USH2A: variants seen among roughly 807,000 people sequenced by gnomAD.
USH2A encodes the protein Usher syndrome 2A (autosomal recessive, mild).
USH2A carries 443 observed loss-of-function variants against 538.9 expected under a neutral mutation model. The ratio of observed to expected loss-of-function variants is 0.82; its 90% CI spans 0.76 to 0.89. The LOEUF (loss-of-function observed/expected upper bound fraction) is 0.89. Among genes scored for constraint, USH2A ranks in the 40% least tolerant of loss-of-function variants. USH2A has a pLI of 0.00. For synonymous variants in USH2A, 2,413 were observed against 2,273.5 expected (o/e 1.06, Z -1.75); for missense variants, 6,633 against 6,324.8 (o/e 1.05, Z -1.65).
intron 20 of USH2A, among the ~76,000 whole-genome samples, chr1:216,187,776 T>C (rs565453347): frequency 2.2e-4 from 33 of 152,088 alleles, no homozygotes; most frequent in African/African-American, 7.9e-4. Context: ...TTAAATATTT[T>C]ACATGTATTA....
At chr1:216,061,760 G>A (rs1051470299) in intron 30 of USH2A, among the ~76,000 whole-genome samples, 2 of 152,114 alleles carry the variant, frequency 1.3e-5, no homozygotes, top group African/African-American at 2.4e-5. Context: ...TACCTAAAAC[G>A]AGACCAGGCA....
intron 14 of USH2A, among the ~76,000 whole-genome samples, chr1:216,228,596 G>T (rs2035611035): frequency 6.6e-6 from 1 of 152,090 alleles, no homozygotes; most frequent in South Asian, 2.1e-4. Flanking sequence ...TCTTCTCTCT[G>T]CCACCATGTG....
chr1:215,919,107 T>G (rs575381726), intron 38 of USH2A, among the ~76,000 whole-genome samples: 2 of 152,164 alleles, frequency 1.3e-5, no homozygotes, highest in South Asian at 4.1e-4. Context: ...CACCCCCAAT[T>G]CCCAAGAATT....
chr1:215,768,818 T>C (rs1030892721), intron 55 of USH2A, among the ~76,000 whole-genome samples: 18 of 152,196 alleles, frequency 1.2e-4, no homozygotes, highest in African/African-American at 4.3e-4. Flanking sequence ...GAATATCTTA[T>C]TTTCCCCATT....
chr1:216,183,469 C>T (rs2034531603), intron 20 of USH2A, among the ~76,000 whole-genome samples: 1 of 151,610 alleles, frequency 6.6e-6, no homozygotes, highest in African/African-American at 2.4e-5. Flanking sequence ...TTTTTTTAAT[C>T]ATGAAAAATG....
At chr1:216,300,814 T>C (rs2102622092) in intron 9 of USH2A, among the ~76,000 whole-genome samples, 1 of 149,472 alleles carries the variant, frequency 6.7e-6, no homozygotes, top group Admixed American at 6.7e-5. Flanking sequence ...CCAGGCACTA[T>C]CTGGGCTCAC....
chr1:216,125,806 C>T (rs1016383819), intron 21 of USH2A, among the ~76,000 whole-genome samples: 1 of 152,142 alleles, frequency 6.6e-6, no homozygotes, highest in Admixed American at 6.5e-5. Context: ...ATTTCTTGGC[C>T]TCCATTTCTT....
intron 35 of USH2A, among the ~76,000 whole-genome samples, chr1:215,972,495 C>T (rs1381646432): frequency 6.6e-6 from 1 of 152,134 alleles, no homozygotes; most frequent in Non-Finnish European, 1.5e-5. Context: ...TTTGTTCTTC[C>T]AGCCCTTCTT....
intron 4 of USH2A, among the ~76,000 whole-genome samples, chr1:216,355,657 G>T (rs1314270433): frequency 6.6e-6 from 1 of 152,124 alleles, no homozygotes; most frequent in Non-Finnish European, 1.5e-5. Flanking sequence ...AAGTGAGGAT[G>T]AACAGGAAAC....
intron 46 of USH2A, among the ~76,000 whole-genome samples, chr1:215,839,983 C>A (rs918807015): frequency 9.9e-5 from 15 of 151,436 alleles, no homozygotes; most frequent in Admixed American, 5.3e-4. Flanking sequence ...CATGGTGAAA[C>A]CCTGTCTCTA....
chr1:215,995,084 G>T (rs1160395555), intron 34 of USH2A, among the ~76,000 whole-genome samples: 3 of 151,620 alleles, frequency 2.0e-5, no homozygotes, highest in African/African-American at 4.8e-5. Context: ...TTTCTTATTT[G>T]TATACTAAAA....
Position 215,926,614 on chromosome 1 carries a change from C to CTTTTTTTTTTTT in USH2A, c.7300+7990_7300+8001dup, listed in dbSNP as rs10673615. Among the ~76,000 whole-genome samples the CTTTTTTTTTTTT allele has an allele frequency of 1.2e-3, 94 of 75,836 alleles. 5 individuals are homozygous for CTTTTTTTTTTTT. Among genetic ancestry groups the CTTTTTTTTTTTT allele is most frequent in the Non-Finnish European group, 1.5e-3 (63 of 43,410 alleles). The allele number at this position is 75,836 out of a possible 152,430, so 49.8% of individuals were successfully genotyped here. A position where few individuals can be genotyped will look rare whatever the true frequency, so the allele number is the denominator to read the frequency against. On this transcript the variant is annotated intron_variant, in intron 38 of 71. Transcript: ENST00000307340. ...GTAGACACTTGCTTTACCTACCTATCTTTTTTTTTTTTTTTTTTTTGAGAC... is the reference window on the plus strand; with the variant it reads ...GTAGACACTTGCTTTACCTACCTATCTTTTTTTTTTTTTTTTTTTTTTTTTTTTTTTTGAGAC...
intron 20 of USH2A, among the ~76,000 whole-genome samples, chr1:216,183,494 T>C (rs1441902883): frequency 6.6e-6 from 1 of 151,948 alleles, no homozygotes; most frequent in African/African-American, 2.4e-5. Context: ...GCTTCCACCA[T>C]ATGGGACAAC....
At chr1:216,325,783 T>TAAAATC (rs1448714666) in intron 5 of USH2A, among the ~76,000 whole-genome samples, 184 bp from the exon 6 acceptor site, 1 of 152,216 alleles carries the variant, frequency 6.6e-6, no homozygotes, top group Non-Finnish European at 1.5e-5. Context: ...TTCATTATCA[T>TAAAATC]AAAATGTATA....
At chr1:216,142,227 G>T (rs1005682237) in intron 21 of USH2A, among the ~76,000 whole-genome samples, 2 of 152,186 alleles carry the variant, frequency 1.3e-5, no homozygotes, top group African/African-American at 4.8e-5. Flanking sequence ...TCTAGGTAAT[G>T]GTAGAAGGTA....
At chr1:215,788,964 A>G (rs1661891656) in intron 51 of USH2A, among the ~76,000 whole-genome samples, 1 of 139,262 alleles carries the variant, frequency 7.2e-6, no homozygotes, top group Non-Finnish European at 1.6e-5. Context: ...CAGGGGAATC[A>G]ACACAGGAAA....
chr1:215,813,834 A>T lies in USH2A; in HGVS notation c.9641T>A (p.Phe3214Tyr). 6.2e-7 allele frequency: 1 copy of T among 1,613,942 alleles called. No individual in the cohort carries two copies. The highest frequency in any genetic ancestry group is 8.5e-7 in the Non-Finnish European group (1 of 1,179,860). Residue 3214 changes from phenylalanine to tyrosine, a missense_variant, in exon 49 of 72, where the codon TTT becomes TAT. Coordinates refer to ENST00000307340, the MANE Select transcript of USH2A (RefSeq NM_206933.4). The part of the protein sequence containing the change: ...HRCCEEKYIP[F>Y]VLNSTGVCCG... ...ACAAACTCCAGTAGAATTCAGAACA[A>T]ACGGGATATACTTTTCTTCACAACA...
chr1:215,842,205 T>C (rs1448361559), intron 46 of USH2A, among the ~76,000 whole-genome samples: 5 of 151,922 alleles, frequency 3.3e-5, no homozygotes, highest in Admixed American at 3.3e-4. Context: ...GGTGGGCACC[T>C]GGAGCTCAAC....
At chr1:216,290,672 G>T (rs1240485833) in intron 10 of USH2A, among the ~76,000 whole-genome samples, 1 of 152,178 alleles carries the variant, frequency 6.6e-6, no homozygotes, top group Non-Finnish European at 1.5e-5. Context: ...TTTCCTTGAA[G>T]GAAAGAGCTT....
Sources: gnomAD v4.1 joint callset for allele counts (sites outside exome capture counted in the v4.1 genomes callset) on GRCh38, gnomAD v4.1.1 for gene constraint, MANE v1.5 for transcripts, NCBI Gene and HGNC (gene_info 2026-07-23, HGNC 2026-07-21) for gene names.